B3GAT2: variants seen among roughly 807,000 people sequenced by gnomAD.
B3GAT2 encodes the protein beta-1,3-glucuronyltransferase 2.
A neutral mutation model predicts 27.8 loss-of-function variants in B3GAT2; 26 were observed. The observed-to-expected ratio is 0.93, with a 90% CI of 0.68 to 1.30. B3GAT2 has a LOEUF of 1.30. B3GAT2 is among the 50% of genes most tolerant of loss of function. B3GAT2 has a pLI of 0.00. For synonymous variants in B3GAT2, 218 were observed against 195.1 expected (o/e 1.12, Z -0.98); for missense variants, 458 against 459.0 (o/e 1.00, Z 0.02).
rs560559095 is a variant in B3GAT2 at position 70,858,507 on chromosome 6, T to C, written c.*3156A>G. ...AATGTAACTGTAACGTGAACACCACTAATGGCCAGAAATTATCTCAGGCAT... is the reference window on the plus strand; with the variant it reads ...AATGTAACTGTAACGTGAACACCACCAATGGCCAGAAATTATCTCAGGCAT... On this transcript the variant is annotated 3_prime_UTR_variant, in exon 4 of 4. Coordinates refer to ENST00000230053, the MANE Select transcript of B3GAT2 (RefSeq NM_080742.3). The C allele has an allele frequency of 1.6e-5, 4 of 256,394 alleles. No individual in the cohort carries two copies. The highest frequency in any genetic ancestry group is 1.5e-4 in the Admixed American group (3 of 19,906). The allele number at this position is 256,394 out of a possible 1,614,324, so 15.9% of individuals were successfully genotyped here.
At chr6:70,883,929 C>G (rs1772138448) in intron 2 of B3GAT2, among the ~76,000 whole-genome samples, 1 of 151,954 alleles carries the variant, frequency 6.6e-6, no homozygotes, top group Admixed American at 6.6e-5. Flanking sequence ...TTCCCAAACT[C>G]TGTCATGAGG....
intron 1 of B3GAT2, among the ~76,000 whole-genome samples, chr6:70,894,479 T>C (rs1008527815): frequency 2.6e-5 from 4 of 152,212 alleles, no homozygotes; most frequent in Non-Finnish European, 5.9e-5. Context: ...GGTCATAAAT[T>C]GGGCTAGGGC....
chr6:70,860,074 C>T lies in B3GAT2; in HGVS notation c.*1589G>A, dbSNP rs1009198489. 15 of 1,054,948 alleles carry T rather than the reference C, an allele frequency of 1.4e-5. No individual in the cohort carries two copies. The highest frequency in any genetic ancestry group is 1.0e-4 in the East Asian group (4 of 38,106). 65.3% of individuals were successfully genotyped at this position (1,054,948 alleles called of 1,614,324 possible). A position where few individuals can be genotyped will look rare whatever the true frequency, so the allele number is the denominator to read the frequency against. On this transcript the variant is annotated 3_prime_UTR_variant, in exon 4 of 4. Coordinates refer to ENST00000230053, the MANE Select transcript of B3GAT2 (RefSeq NM_080742.3). ...CTTTAAGAAATATTTGTATGGTACT[C>T]TGTTTTTATTCCAGTGCTTGGACTA...
intron 2 of B3GAT2, among the ~76,000 whole-genome samples, chr6:70,875,341 T>C (rs1451126745): frequency 6.6e-6 from 1 of 152,164 alleles, no homozygotes; most frequent in Admixed American, 6.5e-5. Flanking sequence ...GAGAAACAAA[T>C]GTGTTAGTAA....
intron 1 of B3GAT2, among the ~76,000 whole-genome samples, chr6:70,929,280 T>C (rs975607641): frequency 1.5e-5 from 2 of 129,254 alleles, no homozygotes; most frequent in Admixed American, 8.5e-5. Context: ...CACACCAACA[T>C]GGCACATGTA....
intron 2 of B3GAT2, among the ~76,000 whole-genome samples, chr6:70,881,565 C>A (rs527545464): frequency 6.6e-6 from 1 of 152,302 alleles, no homozygotes; most frequent in South Asian, 2.1e-4. Flanking sequence ...AAACTCAACA[C>A]TTCAGAGGCG....
chr6:70,930,001 C>A lies in B3GAT2; in HGVS notation c.591+25838G>T, dbSNP rs536195145. On this transcript the variant is annotated intron_variant, in intron 1 of 3. Coordinates refer to ENST00000230053, the MANE Select transcript of B3GAT2 (RefSeq NM_080742.3). ...ACTGATACTAAAACAGAGATATAGA[C>A]CAATGGCACAGAACAGAGCCCTCAG... 2.6e-5 allele frequency among the ~76,000 whole-genome samples: 4 copies of A among 152,238 alleles called. No individual in the cohort carries two copies. In the East Asian group the frequency reaches 5.8e-4, roughly 22 times the overall value.
rs758060613 is a variant in B3GAT2 at position 70,861,877 on chromosome 6, T to C, written c.838A>G (p.Ile280Val). 3.1e-6 allele frequency: 5 copies of C among 1,614,056 alleles called. No individual in the cohort carries two copies. The South Asian group carries it at 3.3e-5, about 11-fold the overall frequency. ...GMQESDFLKQ[I>V]TTVEELEPKA... ...GGTTCCAGTTCTTCGACTGTTGTTA[T>C]CTGTTTGAGAAAGTCAGATTCTTGC... Residue 280 changes from isoleucine to valine, a missense_variant, in exon 3 of 4, where the codon ATA (isoleucine) becomes GTA (valine). Ile to Val is a conservative substitution (Grantham distance 29, BLOSUM62 3). Transcript: ENST00000230053.
At chr6:70,955,801 C>T (rs940633060) in intron 1 of B3GAT2, 38 bp downstream of exon 1, 2 of 1,522,834 alleles carry the variant, frequency 1.3e-6, no homozygotes, top group African/African-American at 2.9e-5. Flanking sequence ...AGGCCCACTC[C>T]CGCCCTCGCC....
rs765818799 is a variant in B3GAT2 at position 70,858,001 on chromosome 6, G to A, written c.*3662C>T. On this transcript the variant is annotated 3_prime_UTR_variant, in exon 4 of 4. Transcript: ENST00000230053. Reference sequence around the variant, plus strand: ...TTCAGGGCTTTCCATCGATGGGCGTGCCTGTGCCTGCAGCTCCTGGCCTTA... The same window carrying A: ...TTCAGGGCTTTCCATCGATGGGCGTACCTGTGCCTGCAGCTCCTGGCCTTA... 12 of 1,614,046 alleles carry A rather than the reference G, an allele frequency of 7.4e-6. No homozygotes were observed. The Admixed American group carries it at 2.0e-4, about 27-fold the overall frequency.
At chr6:70,888,288 G>T (rs561815147) in intron 2 of B3GAT2, among the ~76,000 whole-genome samples, 2 of 151,636 alleles carry the variant, frequency 1.3e-5, no homozygotes, top group African/African-American at 2.4e-5. Context: ...CTGGTTAAAA[G>T]AATGTTTTAA....
intron 2 of B3GAT2, among the ~76,000 whole-genome samples, chr6:70,868,725 C>G (rs1326789291): frequency 6.6e-6 from 1 of 152,138 alleles, no homozygotes; most frequent in African/African-American, 2.4e-5. Flanking sequence ...TCTTTCCCCC[C>G]CCACGTTAAA....
intron 1 of B3GAT2, among the ~76,000 whole-genome samples, chr6:70,941,998 G>C (rs554719997): frequency 6.6e-6 from 1 of 152,058 alleles, no homozygotes; most frequent in Non-Finnish European, 1.5e-5. Context: ...CCACTTCTTT[G>C]GTACAACTAG....
chr6:70,861,642 T>A lies in B3GAT2; in HGVS notation c.*21A>T. ...ATATGGATCCACTGGCTGGACAAACTGCACCAGTTGCTGCTTCAATTTATA... is the reference window on the plus strand; with the variant it reads ...ATATGGATCCACTGGCTGGACAAACAGCACCAGTTGCTGCTTCAATTTATA... On this transcript the variant is annotated 3_prime_UTR_variant, in exon 4 of 4. Transcript: ENST00000230053. 1 of 1,607,456 alleles carries A rather than the reference T, an allele frequency of 6.2e-7. No individual in the cohort carries two copies. The highest frequency in any genetic ancestry group is 8.5e-7 in the Non-Finnish European group (1 of 1,174,388).
chr6:70,885,887 A>G (rs1254037496), intron 2 of B3GAT2, among the ~76,000 whole-genome samples: 1 of 152,210 alleles, frequency 6.6e-6, no homozygotes, highest in Admixed American at 6.5e-5. Flanking sequence ...GCAGGACCCA[A>G]GGATGAGTGA....
chr6:70,933,891 C>T (rs557219654), intron 1 of B3GAT2, among the ~76,000 whole-genome samples: 3 of 152,154 alleles, frequency 2.0e-5, no homozygotes, highest in Admixed American at 6.5e-5. Context: ...ACCCACTTTA[C>T]GTACCTATTA....
intron 1 of B3GAT2, among the ~76,000 whole-genome samples, chr6:70,913,865 T>C (rs1054246220): frequency 6.6e-6 from 1 of 152,240 alleles, no homozygotes; most frequent in Non-Finnish European, 1.5e-5. Flanking sequence ...ATTTGTTCTA[T>C]GAATCTGCAA....
At chr6:70,870,296 G>A (rs1306759047) in intron 2 of B3GAT2, among the ~76,000 whole-genome samples, 1 of 146,648 alleles carries the variant, frequency 6.8e-6, no homozygotes, top group African/African-American at 2.5e-5. Flanking sequence ...CAAGGACAAA[G>A]AACCAAACAC....
At chr6:70,912,215 G>A (rs573224653) in intron 1 of B3GAT2, among the ~76,000 whole-genome samples, 1 of 152,172 alleles carries the variant, frequency 6.6e-6, no homozygotes, top group East Asian at 1.9e-4. Context: ...TCCACAAGGG[G>A]AATGCTTCCA....
Sources: gnomAD v4.1 joint callset for allele counts (sites outside exome capture counted in the v4.1 genomes callset) on GRCh38, gnomAD v4.1.1 for gene constraint, MANE v1.5 for transcripts, NCBI Gene and HGNC (gene_info 2026-07-23, HGNC 2026-07-21) for gene names.